DNER: variants seen among roughly 807,000 people sequenced by gnomAD.
DNER encodes the protein delta and Notch-like epidermal growth factor-related receptor.
Under a neutral mutation model 78.2 loss-of-function variants are expected in DNER, and 33 were observed. The observed-to-expected ratio is 0.42, with a 90% confidence interval of 0.32 to 0.56. The LOEUF is 0.56. DNER is among the 20% of genes least tolerant of loss of function. The pLI is 0.11. For synonymous variants in DNER, 417 were observed against 384.8 expected (o/e 1.08, Z -0.98); for missense variants, 918 against 975.3 (o/e 0.94, Z 0.78).
At chr2:229,705,348 C>T (rs918657900) in intron 1 of DNER, among the ~76,000 whole-genome samples, 1 of 152,208 alleles carries the variant, frequency 6.6e-6, no homozygotes, top group Non-Finnish European at 1.5e-5. Flanking sequence ...AGATAGCAGA[C>T]ACGTTTCTAT....
In DNER at chr2:229,437,683, TTGTGGGAAGGCGTGCTACTGAAGG is replaced by T. The variant is rs1694151142; in HGVS notation, c.1486+9609_1486+9632del. Among the ~76,000 whole-genome samples the T allele has an allele frequency of 9.8e-5, 15 of 152,296 alleles. No individual in the cohort carries two copies. The South Asian group carries it at 2.5e-3, about 25-fold the overall frequency. On this transcript the variant is annotated intron_variant, in intron 8 of 12. Transcript: ENST00000341772. ...GCAAATCATTTCCACTAAGCCAGTCTTGTGGGAAGGCGTGCTACTGAAGGAACATGTCATCAAAGCTATCTCAAA... is the reference window on the plus strand; with the variant it reads ...GCAAATCATTTCCACTAAGCCAGTCTAACATGTCATCAAAGCTATCTCAAA...
chr2:229,414,724 C>T (rs1394910963), intron 9 of DNER, among the ~76,000 whole-genome samples: 1 of 152,184 alleles, frequency 6.6e-6, no homozygotes, highest in Non-Finnish European at 1.5e-5. Flanking sequence ...GGGAGTCACA[C>T]CCTTGTGTAA....
chr2:229,605,539 T>C (rs1697917965), intron 1 of DNER, among the ~76,000 whole-genome samples: 1 of 152,194 alleles, frequency 6.6e-6, no homozygotes, highest in Non-Finnish European at 1.5e-5. Context: ...GTCAGAAAAG[T>C]ATATCCATAA....
intron 8 of DNER, among the ~76,000 whole-genome samples, chr2:229,422,185 T>C (rs1196277549): frequency 6.6e-6 from 1 of 152,032 alleles, no homozygotes; most frequent in Non-Finnish European, 1.5e-5. Context: ...AATCGGACGA[T>C]TTGAATAAAA....
At chr2:229,538,247 A>ACCCT (rs1411336202) in intron 5 of DNER, among the ~76,000 whole-genome samples, 2 of 152,264 alleles carry the variant, frequency 1.3e-5, no homozygotes, top group African/African-American at 4.8e-5. Flanking sequence ...AACATATCTC[A>ACCCT]GACATCTTCA....
chr2:229,413,315 C>CT (rs1369457136), intron 9 of DNER, among the ~76,000 whole-genome samples: 7 of 19,584 alleles, frequency 3.6e-4, no homozygotes, highest in Non-Finnish European at 1.0e-3. Context: ...TTTTCTTTTT[C>CT]TTCTTCTTTT....
intron 12 of DNER, among the ~76,000 whole-genome samples, chr2:229,360,285 A>G (rs1013238462): frequency 1.3e-5 from 2 of 152,262 alleles, no homozygotes; most frequent in Admixed American, 6.5e-5. Context: ...AGAGCTCTCC[A>G]TATCTAACAT....
At chr2:229,595,541 C>A (rs1697696469) in intron 1 of DNER, among the ~76,000 whole-genome samples, 1 of 152,190 alleles carries the variant, frequency 6.6e-6, no homozygotes, top group Non-Finnish European at 1.5e-5. Context: ...CTCGGCCTCC[C>A]AAAGTGCTGG....
At chr2:229,680,885 T>C (rs995686879) in intron 1 of DNER, among the ~76,000 whole-genome samples, 2 of 152,236 alleles carry the variant, frequency 1.3e-5, no homozygotes, top group African/African-American at 4.8e-5. Context: ...TTTTAAGTCC[T>C]ACTATGTTCT....
intron 5 of DNER, among the ~76,000 whole-genome samples, chr2:229,541,590 G>T (rs2154213071): frequency 6.6e-6 from 1 of 152,182 alleles, no homozygotes; most frequent in East Asian, 1.9e-4. Context: ...GTATCCTCCA[G>T]CATAAATGGG....
intron 1 of DNER, among the ~76,000 whole-genome samples, chr2:229,667,055 C>G (rs1310325778): frequency 9.9e-5 from 15 of 152,242 alleles, no homozygotes; most frequent in Non-Finnish European, 1.9e-4. Context: ...GTGACTGTCC[C>G]TGAAATCACT....
chr2:229,691,788 T>C (rs1699577684), intron 1 of DNER, among the ~76,000 whole-genome samples: 1 of 150,850 alleles, frequency 6.6e-6, no homozygotes, highest in Admixed American at 6.6e-5. Context: ...CTTCCAGTGG[T>C]GGACACATGA....
At chr2:229,513,836 T>A (rs1695919235) in intron 5 of DNER, among the ~76,000 whole-genome samples, 1 of 152,124 alleles carries the variant, frequency 6.6e-6, no homozygotes, top group African/African-American at 2.4e-5. Context: ...GCCTGGCACA[T>A]GGGGCAGATG....
intron 4 of DNER, among the ~76,000 whole-genome samples, chr2:229,582,305 GA>G (rs113284757): frequency 0.012 from 1,794 of 152,308 alleles, 43 homozygotes; most frequent in African/African-American, 0.04. Flanking sequence ...TCTTGTTTCT[GA>G]AGGATGAAAA....
intron 4 of DNER, among the ~76,000 whole-genome samples, chr2:229,563,919 AC>A (rs1170369366): frequency 1.8e-5 from 2 of 109,412 alleles, no homozygotes; most frequent in African/African-American, 7.6e-5. Flanking sequence ...CATCCTCCTT[AC>A]CCCATCACCA....
chr2:229,477,334 A>T (rs1483878972), intron 6 of DNER, 81 bp from the exon 7 acceptor site: 4 of 970,836 alleles, frequency 4.1e-6, no homozygotes, highest in South Asian at 1.6e-5. Flanking sequence ...GATGGATTCA[A>T]CTGGTACCTG....
chr2:229,459,985 G>A (rs1377142111), intron 7 of DNER, among the ~76,000 whole-genome samples: 3 of 151,506 alleles, frequency 2.0e-5, no homozygotes, highest in African/African-American at 4.9e-5. Context: ...GTGAAACCCC[G>A]TCTCTACTAA....
At chr2:229,593,070 C>T (rs1697636969) in intron 1 of DNER, among the ~76,000 whole-genome samples, 3 of 152,210 alleles carry the variant, frequency 2.0e-5, no homozygotes. Flanking sequence ...TAATTCTATG[C>T]TATCACTTGG....
rs1696636562 is a variant in DNER at position 229,546,825 on chromosome 2, A to T, written c.993+122T>A. The T allele has an allele frequency of 7.2e-6, 10 of 1,390,320 alleles. No homozygotes were observed. The South Asian group carries it at 1.3e-4, about 18-fold the overall frequency. The allele number at this position is 1,390,320 out of a possible 1,614,324, so 86.1% of individuals were successfully genotyped here. A position where few individuals can be genotyped will look rare whatever the true frequency, so the allele number is the denominator to read the frequency against. ...GATAGACAGACAGACAGACAGACAGACAGACAGATAGATAGATAGAGCAAG... is the reference window on the plus strand; with the variant it reads ...GATAGACAGACAGACAGACAGACAGTCAGACAGATAGATAGATAGAGCAAG... On this transcript the variant is annotated intron_variant, in intron 5 of 12. Transcript: ENST00000341772.
Sources: gnomAD v4.1 joint callset for allele counts (sites outside exome capture counted in the v4.1 genomes callset) on GRCh38, gnomAD v4.1.1 for gene constraint, MANE v1.5 for transcripts, NCBI Gene and HGNC (gene_info 2026-07-23, HGNC 2026-07-21) for gene names.